Variants in ST8SIA1 observed in about 807,000 individuals in gnomAD.
ST8SIA1 encodes ST8 alpha-N-acetyl-neuraminide alpha-2,8-sialyltransferase 1, also known as alpha-N-acetylneuraminide alpha-2,8-sialyltransferase.
A neutral mutation model predicts 35.9 loss-of-function variants in ST8SIA1; 16 were observed. The observed-to-expected ratio is 0.45, with a 90% CI of 0.30 to 0.68. ST8SIA1 has a LOEUF of 0.68. ST8SIA1 is among the 30% of genes least tolerant of loss of function. ST8SIA1 has a pLI of 0.09. For missense variants in ST8SIA1, 383 were observed against 453.6 expected, an observed-to-expected ratio of 0.84 and a Z score of 1.41; for synonymous variants, 170 against 169.6, an observed-to-expected ratio of 1.00 and a Z score of -0.02.
chr12:22,298,082 C>T (rs1356269597), intron 1 of ST8SIA1, among the ~76,000 whole-genome samples: 1 of 152,160 alleles, frequency 6.6e-6, no homozygotes, highest in Non-Finnish European at 1.5e-5. Context: ...TAGCTGAACA[C>T]CTGGAGGTTC....
At chr12:22,302,645 T>G (rs1365090269) in intron 1 of ST8SIA1, among the ~76,000 whole-genome samples, 1 of 152,134 alleles carries the variant, frequency 6.6e-6, no homozygotes, top group Non-Finnish European at 1.5e-5. Flanking sequence ...CCAAAAATTT[T>G]AGAAAAGAAA....
intron 1 of ST8SIA1, among the ~76,000 whole-genome samples, chr12:22,306,009 C>T (rs954935826): frequency 1.3e-5 from 2 of 152,068 alleles, no homozygotes; most frequent in African/African-American, 2.4e-5. Flanking sequence ...TAAGTTCCTC[C>T]GAAAGTCCAG....
At chr12:22,213,155 C>G (rs1865193259) in intron 4 of ST8SIA1, among the ~76,000 whole-genome samples, 1 of 152,050 alleles carries the variant, frequency 6.6e-6, no homozygotes, top group East Asian at 1.9e-4. Context: ...ATTTCATTCC[C>G]AACCAATCAG....
rs908493674 is a variant in ST8SIA1, at chr12:22,193,633, A to C, written c.*7919T>G. 1.3e-5 allele frequency: 2 copies of C among 152,220 alleles called. No individual in the cohort carries two copies. Among genetic ancestry groups the C allele is most frequent in the Admixed American group, 6.5e-5 (1 of 15,278 alleles). The allele number at this position is 152,220 out of a possible 1,614,324, so 9.4% of individuals were successfully genotyped here. A position where few individuals can be genotyped will look rare whatever the true frequency, so the allele number is the denominator to read the frequency against. On this transcript the variant is annotated 3_prime_UTR_variant, in exon 5 of 5. Coordinates refer to ENST00000396037, the MANE Select transcript of ST8SIA1 (RefSeq NM_003034.4). ...TAATTTTTCTAATCACACCGTAGAA[A>C]GTACCAATTAAAGTTTTCTTTTTTA...
chr12:22,270,128 T>C (rs1865894212), intron 2 of ST8SIA1, among the ~76,000 whole-genome samples: 1 of 152,210 alleles, frequency 6.6e-6, no homozygotes. Context: ...GTTAAATTTG[T>C]AGATGTTAGC....
intron 4 of ST8SIA1, among the ~76,000 whole-genome samples, chr12:22,202,585 CCATATTGCTTGCT>C (rs1419844226): frequency 3.3e-5 from 5 of 152,074 alleles, no homozygotes; most frequent in African/African-American, 1.2e-4. Flanking sequence ...AGGGAGTTGC[CCATATTGCTTGCT>C]CCAAAGAACT....
intron 4 of ST8SIA1, among the ~76,000 whole-genome samples, chr12:22,207,029 C>T (rs916532893): frequency 6.6e-6 from 1 of 152,144 alleles, no homozygotes; most frequent in Non-Finnish European, 1.5e-5. Context: ...AATAGCTATA[C>T]AGTAGGCCTA....
intron 1 of ST8SIA1, among the ~76,000 whole-genome samples, chr12:22,320,922 AAAGG>A (rs1393219760): frequency 8.7e-5 from 6 of 69,134 alleles, no homozygotes; most frequent in Admixed American, 1.8e-4. Context: ...GAAAGGAAAG[AAAGG>A]AAGAAAGAAA....
chr12:22,280,750 G>A (rs1326365550), intron 2 of ST8SIA1, among the ~76,000 whole-genome samples: 1 of 152,048 alleles, frequency 6.6e-6, no homozygotes, highest in African/African-American at 2.4e-5. Context: ...ACTTCTAATC[G>A]ATTGTTTTCC....
At chr12:22,255,520 G>C in intron 2 of ST8SIA1, 131 bp from the exon 3 acceptor site, 1 of 791,826 alleles carries the variant, frequency 1.3e-6, no homozygotes, top group Non-Finnish European at 2.1e-6. Flanking sequence ...CATGTGAAAA[G>C]AAAGATGCCA....
chr12:22,210,079 T>C (rs1398381444), intron 4 of ST8SIA1, among the ~76,000 whole-genome samples: 2 of 152,216 alleles, frequency 1.3e-5, no homozygotes, highest in South Asian at 2.1e-4. Context: ...ATCCATATTA[T>C]GATACATGGC....
In ST8SIA1 at chr12:22,201,714, A is replaced by G. The variant is rs746217433; in HGVS notation, c.909T>C (p.His303=). The change falls in exon 5 of 5, where the codon CAT becomes CAC. Residue 303 remains histidine (H), a synonymous_variant. Transcript: ENST00000396037. ...YGFWPFSVNM[H]EQPISHHYYD... ...AGTAGTGGTGGCTGATGGGCTGCTCATGCATATTCACAGAGAAGGGCCAGA... is the reference window on the plus strand; with the variant it reads ...AGTAGTGGTGGCTGATGGGCTGCTCGTGCATATTCACAGAGAAGGGCCAGA... The G allele has an allele frequency of 2.5e-6, 4 of 1,614,114 alleles. No homozygotes were observed. The highest frequency in any genetic ancestry group is 2.5e-6 in the Non-Finnish European group (3 of 1,179,978).
chr12:22,201,584 A>T lies in ST8SIA1; in HGVS notation c.1039T>A (p.Cys347Ser). ...IGALRMQLDP[C>S]EDTSLQPTS ...GTGGGCTGGAGTGAGGTATCTTCAC[A>T]TGGGTCCAGCTGCATTCTCAGTGCA... Residue 347 changes from cysteine (C) to serine (S), a missense_variant, in exon 5 of 5, where the codon TGT (cysteine) becomes AGT (serine). Physicochemically the swap from Cys to Ser is moderately radical, Grantham distance 112. Transcript: ENST00000396037. 1 of 1,613,050 alleles carries T rather than the reference A, an allele frequency of 6.2e-7. No individual in the cohort carries two copies. The highest frequency in any genetic ancestry group is 8.5e-7 in the Non-Finnish European group (1 of 1,179,514).
At chr12:22,254,051 C>T (rs143255663) in intron 3 of ST8SIA1, among the ~76,000 whole-genome samples, 3 of 152,224 alleles carry the variant, frequency 2.0e-5, no homozygotes, top group Non-Finnish European at 4.4e-5. Context: ...AACAGGAATA[C>T]AAAATCTCGC....
chr12:22,286,601 A>C (rs1385969772), intron 2 of ST8SIA1: 10 of 477,964 alleles, frequency 2.1e-5, no homozygotes, highest in Non-Finnish European at 2.9e-5. Context: ...TTCAATGCCC[A>C]GAAAACCAAG....
chr12:22,208,045 C>A (rs531966875), intron 4 of ST8SIA1, among the ~76,000 whole-genome samples: 37 of 148,484 alleles, frequency 2.5e-4, no homozygotes, highest in Non-Finnish European at 4.1e-4. Flanking sequence ...GAGGCTGAGG[C>A]AGAAGAATTG....
At chr12:22,261,520 T>TC (rs1865791739) in intron 2 of ST8SIA1, among the ~76,000 whole-genome samples, 1 of 152,220 alleles carries the variant, frequency 6.6e-6, no homozygotes, top group Non-Finnish European at 1.5e-5. Context: ...ATCTTTTTTT[T>TC]CAACACCTCA....
intron 2 of ST8SIA1, among the ~76,000 whole-genome samples, chr12:22,261,225 A>C (rs1480042509): frequency 6.6e-6 from 1 of 151,674 alleles, no homozygotes; most frequent in East Asian, 1.9e-4. Flanking sequence ...GCTCACTGCA[A>C]CCTGAGCCTC....
At chr12:22,313,772 T>C (rs1866481945) in intron 1 of ST8SIA1, among the ~76,000 whole-genome samples, 1 of 152,198 alleles carries the variant, frequency 6.6e-6, no homozygotes, top group Non-Finnish European at 1.5e-5. Flanking sequence ...GCCATGAGCA[T>C]GTGTTGCCAG....
Sources: allele counts gnomAD v4.1 joint callset (sites outside exome capture counted in the v4.1 genomes callset), GRCh38; gene constraint gnomAD v4.1.1; transcripts MANE v1.5; gene names NCBI Gene and HGNC (gene_info 2026-07-23, HGNC 2026-07-21).